The following RSPH3 variants were observed in gnomAD, a reference collection of about 807,000 sequenced individuals.
The protein encoded by RSPH3 is radial spoke head 3.
A neutral mutation model predicts 43.8 loss-of-function variants in RSPH3; 21 were observed. The observed-to-expected ratio is 0.48, with a 90% CI of 0.34 to 0.69. The LOEUF is 0.69. Among genes scored for constraint, RSPH3 ranks in the 30% least tolerant of loss-of-function variants. RSPH3 has a pLI of 0.01. For synonymous variants in RSPH3, 173 were observed against 179.8 expected (o/e 0.96, Z 0.30); for missense variants, 487 against 516.0 (o/e 0.94, Z 0.54).
chr6:158,972,770 T>A (rs1404264700), downstream of RSPH3: 3 of 152,240 alleles, frequency 2.0e-5, no homozygotes, highest in Admixed American at 1.3e-4. Context: ...TTCAAACTCT[T>A]TAACACTTGA....
chr6:158,978,417 G>C, intron 6 of RSPH3, 71 bp from the exon 7 acceptor site: 1 of 751,948 alleles, frequency 1.3e-6, no homozygotes, highest in East Asian at 2.6e-5. Flanking sequence ...TAATGTAATA[G>C]ACTCATCAAC....
chr6:158,993,867 T>C lies in RSPH3; in HGVS notation c.176A>G (p.Asn59Ser), dbSNP rs16889320. The C allele has an allele frequency of 0.11, 171,146 of 1,607,238 alleles. 16,796 individuals are homozygous for C. The highest frequency in any genetic ancestry group is 0.46 in the East Asian group (20,404 of 44,664). The stretch of plus-strand genomic sequence containing the variant: ...TGGCCCTGTCTGGAGTGCATAAGTG[T>C]TACCTCGAATTACCCTTCTGTCATA... ...IMYDRRVIRGNTYALQTGPLL... is the reference protein window; with the variant it reads ...IMYDRRVIRGSTYALQTGPLL... Residue 59 changes from asparagine (N) to serine (S), a missense_variant, in exon 2 of 8, where the codon AAC (asparagine) becomes AGC (serine). Transcript: ENST00000367069.
At chr6:158,967,302 T>A in the RSPH3 span, among the ~76,000 whole-genome samples, 1 of 152,178 alleles carries the variant, frequency 6.6e-6, no homozygotes, top group African/African-American at 2.4e-5. Flanking sequence ...GGCCTATTTC[T>A]GTTTCTATTC....
In RSPH3 at chr6:158,998,789, G is replaced by A. The variant is rs7771735; in HGVS notation, c.116+646C>T. Among the ~76,000 whole-genome samples, 576 of 146,598 alleles carry A rather than the reference G, an allele frequency of 3.9e-3. 7 individuals carry two copies. Among genetic ancestry groups the A allele is most frequent in the African/African-American group, 0.014 (561 of 40,638 alleles). On this transcript the variant is annotated intron_variant, in intron 1 of 7. Coordinates refer to ENST00000367069, the MANE Select transcript of RSPH3 (RefSeq NM_031924.8). ...GAGAATCGTTTGATCGGGGAGGAGT[G>A]GGGGAGGGGGGCGGAGGTTGCAGTG... is the stretch of plus-strand genomic sequence containing the variant.
intron 4 of RSPH3, 67 bp from the exon 5 acceptor site, chr6:158,982,755 A>C: frequency 9.6e-7 from 1 of 1,045,202 alleles, no homozygotes; most frequent in Non-Finnish European, 1.4e-6. Flanking sequence ...CAAAAATATA[A>C]TGAATAGCAA....
At chr6:158,992,771 T>C (rs899642461) in intron 2 of RSPH3, among the ~76,000 whole-genome samples, 1 of 152,216 alleles carries the variant, frequency 6.6e-6, no homozygotes, top group Non-Finnish European at 1.5e-5. Flanking sequence ...TATGGATTCA[T>C]CTGTATTTCA....
chr6:158,983,268 A>T (rs1386213809), intron 4 of RSPH3, among the ~76,000 whole-genome samples: 1 of 152,062 alleles, frequency 6.6e-6, no homozygotes, highest in Non-Finnish European at 1.5e-5. Context: ...TTTTTTTTTT[A>T]AATGAGAGAA....
At chr6:158,963,952 A>C in the RSPH3 span, among the ~76,000 whole-genome samples, 1 of 152,280 alleles carries the variant, frequency 6.6e-6, no homozygotes, top group East Asian at 1.9e-4. Flanking sequence ...ACAGCCATAG[A>C]TCCCAAAAGT....
At position 159,000,154 on chromosome 6, in the gene RSPH3, G is replaced by C; in HGVS notation, c.-604C>G. 1 of 619,090 alleles carries C rather than the reference G, an allele frequency of 1.6e-6. No homozygotes were observed. The highest frequency in any genetic ancestry group is 3.1e-5 in the East Asian group (1 of 31,876). The allele number at this position is 619,090 out of a possible 1,614,324, so 38.3% of individuals were successfully genotyped here. ...TCCCAGGCTGCCCCCGCGATAACAC[G>C]CCCCTGGCAGCCAGGCTCCCAGCTC... On this transcript the variant is annotated 5_prime_UTR_variant, in exon 1 of 8. Transcript: ENST00000367069.
intron 1 of RSPH3, among the ~76,000 whole-genome samples, chr6:158,998,978 A>C (rs1778737451): frequency 6.6e-6 from 1 of 152,230 alleles, no homozygotes; most frequent in South Asian, 2.1e-4. Context: ...CCTGCCGAAG[A>C]GATTTACTCG....
chr6:158,965,169 A>G, the RSPH3 span, among the ~76,000 whole-genome samples: 2 of 152,090 alleles, frequency 1.3e-5, no homozygotes, highest in African/African-American at 4.8e-5. Flanking sequence ...TTCTATCCTT[A>G]TCCCTTACCA....
intron 2 of RSPH3, among the ~76,000 whole-genome samples, chr6:158,990,135 A>G (rs1195578031): frequency 6.6e-6 from 1 of 152,076 alleles, no homozygotes; most frequent in Non-Finnish European, 1.5e-5. Context: ...CAGATGGCCT[A>G]TTGTGGGACC....
chr6:158,993,110 G>T (rs78846647), intron 2 of RSPH3, among the ~76,000 whole-genome samples: 2,699 of 151,832 alleles, frequency 0.018, 34 homozygotes, highest in Middle Eastern at 0.024. Context: ...CTGTTGAATC[G>T]AATGAAAAAT....
intron 6 of RSPH3, among the ~76,000 whole-genome samples, chr6:158,979,702 T>C (rs1777967477): frequency 1.3e-5 from 2 of 152,224 alleles, no homozygotes; most frequent in African/African-American, 4.8e-5. Flanking sequence ...ATTGAATATG[T>C]AATCAGTGAA....
At chr6:158,986,188 G>A (rs1031846519) in intron 3 of RSPH3, 92 bp downstream of exon 3, 3 of 1,220,840 alleles carry the variant, frequency 2.5e-6, no homozygotes, top group African/African-American at 3.0e-5. Flanking sequence ...GCACAGGAGA[G>A]GCATAAGTAA....
rs1583694401 is a variant in RSPH3, at chr6:158,973,226, G to A, written c.*4312C>T. The A allele has an allele frequency of 6.6e-6, 1 of 152,136 alleles. No individual in the cohort carries two copies. Among genetic ancestry groups the A allele is most frequent in the African/African-American group, 2.4e-5 (1 of 41,424 alleles). The allele number at this position is 152,136 out of a possible 1,614,324, so 9.4% of individuals were successfully genotyped here. A position where few individuals can be genotyped will look rare whatever the true frequency, so the allele number is the denominator to read the frequency against. On this transcript the variant is annotated 3_prime_UTR_variant, in exon 8 of 8. Coordinates refer to ENST00000367069, the MANE Select transcript of RSPH3 (RefSeq NM_031924.8). ...CAGAATACATAAAAATACATTCTGT[G>A]ATTCACCTATAAACAAAAGAGTAAA...
downstream of RSPH3, among the ~76,000 whole-genome samples, chr6:158,972,653 T>G (rs1024066409): frequency 1.3e-5 from 2 of 152,222 alleles, no homozygotes; most frequent in Non-Finnish European, 2.9e-5. Context: ...ATAAAAATCA[T>G]AAATGAATAT....
At chr6:158,979,871 T>A (rs1038172411) in intron 6 of RSPH3, among the ~76,000 whole-genome samples, 6 of 152,042 alleles carry the variant, frequency 3.9e-5, no homozygotes, top group African/African-American at 1.4e-4. Flanking sequence ...GCTAGGAACG[T>A]GGACTTTGAG....
In RSPH3 at chr6:158,983,750, GT is replaced by G; in HGVS notation, c.403del (p.Thr135GlnfsTer27). 6.2e-7 allele frequency: 1 copy of G among 1,608,112 alleles called. No homozygotes were observed. On this transcript the variant is annotated frameshift_variant, in exon 4 of 8. Transcript: ENST00000367069. LOFTEE classifies it high-confidence loss of function. ...RIIEVDMECQTDAFLDRPPTP... is the reference protein window; with the variant it reads ...RIIEVDMECQXDAFLDRPPTP... ...TGGTGGTCTGTCCAAAAATGCATCT[GT>G]TTGGCATTCCATATCAACTTCTATT...
Sources: allele counts gnomAD v4.1 joint callset (sites outside exome capture counted in the v4.1 genomes callset), GRCh38; gene constraint gnomAD v4.1.1; transcripts MANE v1.5; gene names NCBI Gene and HGNC (gene_info 2026-07-23, HGNC 2026-07-21).